PCDH9: variants seen among roughly 807,000 people sequenced by gnomAD.
The protein encoded by PCDH9 is protocadherin-9.
In PCDH9, 24 loss-of-function variants were observed where a neutral mutation model predicts 70.6. That is an observed-to-expected ratio of 0.34 (90% confidence interval 0.25 to 0.48). The LOEUF (loss-of-function observed/expected upper bound fraction) is 0.48. Among genes scored for constraint, PCDH9 ranks in the 20% least tolerant of loss-of-function variants. The probability of loss-of-function intolerance (pLI) is 0.99; values close to 1 mark genes in which losing one functional copy is unlikely to be tolerated. For missense variants in PCDH9, 1,281 were observed against 1,503.6 expected (o/e 0.85, Z 2.45); for synonymous variants, 562 against 558.5 (o/e 1.01, Z -0.09).
intron 2 of PCDH9, among the ~76,000 whole-genome samples, chr13:67,074,921 T>C (rs1196498755): frequency 6.6e-6 from 1 of 152,132 alleles, no homozygotes; most frequent in African/African-American, 2.4e-5. Flanking sequence ...CCTGGTACCC[T>C]ATCAAGCACT....
intron 2 of PCDH9, among the ~76,000 whole-genome samples, chr13:66,922,852 A>C (rs1181574248): frequency 6.6e-6 from 1 of 151,544 alleles, no homozygotes; most frequent in African/African-American, 2.4e-5. Context: ...TATCAAGTTT[A>C]GCTACTTTTT....
chr13:66,621,616 C>T (rs574540075), intron 4 of PCDH9, among the ~76,000 whole-genome samples: 24 of 152,264 alleles, frequency 1.6e-4, no homozygotes, highest in African/African-American at 5.8e-4. Flanking sequence ...CTTTTTATGC[C>T]TCTGTATAAA....
chr13:66,805,984 A>G (rs1402825063), intron 3 of PCDH9, among the ~76,000 whole-genome samples: 1 of 152,142 alleles, frequency 6.6e-6, no homozygotes, highest in Non-Finnish European at 1.5e-5. Flanking sequence ...GTGGGTTGCC[A>G]ATGTGACTCT....
chr13:66,938,659 T>A (rs1326468569), intron 2 of PCDH9, among the ~76,000 whole-genome samples: 1 of 152,194 alleles, frequency 6.6e-6, no homozygotes, highest in African/African-American at 2.4e-5. Flanking sequence ...GAAATTTATT[T>A]CCTTCTTAGT....
At chr13:66,776,480 C>T (rs2079894847) in intron 3 of PCDH9, among the ~76,000 whole-genome samples, 1 of 150,994 alleles carries the variant, frequency 6.6e-6, no homozygotes, top group Admixed American at 6.6e-5. Flanking sequence ...TCTTATACCC[C>T]AATAACAGAC....
chr13:66,953,807 T>C (rs917152883), intron 2 of PCDH9, among the ~76,000 whole-genome samples: 3 of 152,206 alleles, frequency 2.0e-5, no homozygotes, highest in African/African-American at 7.2e-5. Context: ...AGGTTCAGAA[T>C]TCTACTGGGT....
In PCDH9 at chr13:67,195,414, A is replaced by T. The variant is rs2089036007; in HGVS notation, c.3036+29991T>A. 2.6e-5 allele frequency among the ~76,000 whole-genome samples: 4 copies of T among 152,268 alleles called. No individual in the cohort carries two copies. In the East Asian group the frequency reaches 7.7e-4, roughly 29 times the overall value. Reference sequence around the variant, plus strand: ...CGCCTCGGCCTCCCAAAGTGCTGGGATTACAGGCGTGAGCCACCGCGTACA... The same window carrying T: ...CGCCTCGGCCTCCCAAAGTGCTGGGTTTACAGGCGTGAGCCACCGCGTACA... On this transcript the variant is annotated intron_variant, in intron 2 of 4. Transcript: ENST00000377865.
chr13:66,633,265 T>C (rs1353455025), intron 3 of PCDH9, among the ~76,000 whole-genome samples: 2 of 152,206 alleles, frequency 1.3e-5, no homozygotes, highest in Non-Finnish European at 2.9e-5. Context: ...CATGCACATG[T>C]ATCTCAAGAA....
At chr13:66,531,491 G>A (rs1960452262) in intron 4 of PCDH9, among the ~76,000 whole-genome samples, 1 of 151,982 alleles carries the variant, frequency 6.6e-6, no homozygotes, top group South Asian at 2.1e-4. Context: ...TGTTACGAAA[G>A]TCTCAAGAAA....
At chr13:66,442,977 C>T (rs554371709) in intron 4 of PCDH9, among the ~76,000 whole-genome samples, 2 of 152,122 alleles carry the variant, frequency 1.3e-5, no homozygotes, top group East Asian at 1.9e-4. Context: ...TACACAGCTG[C>T]AGAAACTAAC....
intron 4 of PCDH9, among the ~76,000 whole-genome samples, chr13:66,527,043 T>C (rs552664270): frequency 4.6e-5 from 7 of 152,190 alleles, no homozygotes; most frequent in Non-Finnish European, 1.0e-4. Flanking sequence ...TCTATAGTCC[T>C]AGGCCTGCTT....
At chr13:67,067,863 G>C (rs1181014028) in intron 2 of PCDH9, among the ~76,000 whole-genome samples, 1 of 151,964 alleles carries the variant, frequency 6.6e-6, no homozygotes, top group Non-Finnish European at 1.5e-5. Context: ...ATATGTAAGT[G>C]TTCTTGGTCA....
intron 2 of PCDH9, among the ~76,000 whole-genome samples, chr13:67,069,488 T>C (rs1057013724): frequency 5.3e-5 from 8 of 152,122 alleles, no homozygotes; most frequent in African/African-American, 1.9e-4. Context: ...ACAAACAAAA[T>C]AAAAGAAAAC....
At chr13:66,499,132 C>T (rs1262342097) in intron 4 of PCDH9, among the ~76,000 whole-genome samples, 1 of 151,784 alleles carries the variant, frequency 6.6e-6, no homozygotes, top group Non-Finnish European at 1.5e-5. Flanking sequence ...CAGAAAAATC[C>T]TTATACCCTA....
At chr13:66,531,371 C>T (rs528224458) in intron 4 of PCDH9, among the ~76,000 whole-genome samples, 11 of 152,174 alleles carry the variant, frequency 7.2e-5, no homozygotes, top group Non-Finnish European at 1.6e-4. Context: ...CCATGGTGTA[C>T]TTATTAATAG....
chr13:66,713,013 T>G (rs1212339829), intron 3 of PCDH9, among the ~76,000 whole-genome samples: 1 of 152,218 alleles, frequency 6.6e-6, no homozygotes, highest in Non-Finnish European at 1.5e-5. Context: ...GTCTTTGTTG[T>G]TTGCCATTGC....
Position 66,703,248 on chromosome 13 carries a change from A to C in PCDH9, c.3139-71837T>G, listed in dbSNP as rs564741099. ...AATATTTATCCATATGCTAGTTAAC[A>C]CCTACACTTAAGCCAAATACTTTCT... On this transcript the variant is annotated intron_variant, in intron 3 of 4. Transcript: ENST00000377865. Among the ~76,000 whole-genome samples, 50 of 152,264 alleles carry C rather than the reference A, an allele frequency of 3.3e-4. 1 individual carries two copies. Among genetic ancestry groups the C allele is most frequent in the African/African-American group, 1.2e-3 (50 of 41,568 alleles).
At chr13:67,189,622 A>G (rs188601943) in intron 2 of PCDH9, among the ~76,000 whole-genome samples, 1 of 152,208 alleles carries the variant, frequency 6.6e-6, no homozygotes, top group Admixed American at 6.6e-5. Flanking sequence ...AAAAATATAT[A>G]CAATTAAAAA....
chr13:67,174,441 T>C (rs992123977), intron 2 of PCDH9, among the ~76,000 whole-genome samples: 6 of 152,152 alleles, frequency 3.9e-5, no homozygotes, highest in African/African-American at 1.4e-4. Context: ...TATTATAGAT[T>C]ATAAACAGTG....
Sources: allele counts gnomAD v4.1 joint callset (sites outside exome capture counted in the v4.1 genomes callset), GRCh38; gene constraint gnomAD v4.1.1; transcripts MANE v1.5; gene names NCBI Gene and HGNC (gene_info 2026-07-23, HGNC 2026-07-21).